Variants in DHX38 observed in about 807,000 individuals in gnomAD.
DHX38 encodes the protein DEAH-box helicase 38, also known as pre-mRNA-splicing factor ATP-dependent RNA helicase PRP16.
Under a neutral mutation model 153.1 loss-of-function variants are expected in DHX38, and 100 were observed. The ratio of observed to expected loss-of-function variants is 0.65; its 90% CI spans 0.56 to 0.77. The LOEUF (loss-of-function observed/expected upper bound fraction) is 0.77, where lower values mean the gene tolerates loss of function less well. Ranked by LOEUF, DHX38 falls within the 30% of genes least tolerant of loss-of-function variation. DHX38 has a pLI of 0.00. For missense variants in DHX38, 1,440 were observed against 1,654.0 expected, an observed-to-expected ratio of 0.87 and a Z score of 2.24; for synonymous variants, 650 against 631.7, an observed-to-expected ratio of 1.03 and a Z score of -0.43.
chr16:72,104,462 C>T lies in DHX38; in HGVS notation c.2011-24C>T. The T allele has an allele frequency of 6.2e-7, 1 of 1,611,564 alleles. No individual in the cohort carries two copies. ...GAGCCAAGGGTCCCCACCATGGGGG[C>T]CTCCGAGCCGCCTCTTCTCTCAGGT... On this transcript the variant is annotated intron_variant, in intron 14 of 26. Coordinates refer to ENST00000268482, the MANE Select transcript of DHX38 (RefSeq NM_014003.4). The surrounding 1 kb of genome is among the most constrained non-coding windows in gnomAD (Gnocchi z 4.5).
rs769044827 is a variant in DHX38, at chr16:72,105,561, C to T, written c.2424C>T (p.Ala808=). 6.8e-5 allele frequency: 109 copies of T among 1,614,002 alleles called. No homozygotes were observed. Among genetic ancestry groups the T allele is most frequent in the Non-Finnish European group, 8.6e-5 (102 of 1,180,048 alleles). The change falls in exon 18 of 27, where the codon GCC becomes GCT. Residue 808 remains alanine (A), a synonymous_variant. Coordinates refer to ENST00000268482, the MANE Select transcript of DHX38 (RefSeq NM_014003.4). ...AGTGCATCGTTGCCACCAATATTGC[C>T]GAGACGTCTCTCACTGTTGACGGCA... ...VRKCIVATNI[A]ETSLTVDGIM...
In DHX38 at chr16:72,093,885, C is replaced by G. The variant is rs937657669; in HGVS notation, c.-186C>G. On this transcript the variant is annotated 5_prime_UTR_variant, in exon 1 of 27. Transcript: ENST00000268482. ...AATCGGGCGTGTTCCAGGCTGCTCT[C>G]TATGGTAGCTTTGGGCGGATAGAGG... 11 of 152,256 alleles carry G rather than the reference C, an allele frequency of 7.2e-5. No individual in the cohort carries two copies. The highest frequency in any genetic ancestry group is 2.7e-4 in the African/African-American group (11 of 41,430). The allele number at this position is 152,256 out of a possible 1,614,324, so 9.4% of individuals were successfully genotyped here.
rs2144181771 is a variant in DHX38, at chr16:72,111,059, GC to G, written c.3586del (p.Leu1196TrpfsTer21). 1 of 1,567,780 alleles carries G rather than the reference GC, an allele frequency of 6.4e-7. No homozygotes were observed. Among genetic ancestry groups the G allele is most frequent in the East Asian group, 2.4e-5 (1 of 42,312 alleles). ...CGGCGGCAGGAGCAGGAGAAGCGCA[GC>G]CCCCTGGGCAGTGTCAGGTGAGCTC... The part of the protein sequence containing the change: ...RARRQEQEKR[S>X]PLGSVRSTKI... On this transcript the variant is annotated frameshift_variant, in exon 26 of 27. Coordinates refer to ENST00000268482, the MANE Select transcript of DHX38 (RefSeq NM_014003.4). LOFTEE classifies it high-confidence loss of function.
At chr16:72,103,245 A>T in intron 12 of DHX38, 34 bp downstream of exon 12, 1 of 1,603,210 alleles carries the variant, frequency 6.2e-7, no homozygotes, top group Non-Finnish European at 8.5e-7. Context: ...ATCTAGTGTC[A>T]AGTCAGGGGT....
At chr16:72,098,833 C>T (rs201358516) in intron 5 of DHX38, 41 bp downstream of exon 5, 31 of 1,612,916 alleles carry the variant, frequency 1.9e-5, no homozygotes, top group African/African-American at 1.3e-4. Context: ...GCTGGGTGGG[C>T]GGTAAGGAGC....
At chr16:72,098,488 TAAA>T (rs1405481456) in intron 4 of DHX38, among the ~76,000 whole-genome samples, 154 bp from the exon 5 acceptor site, 1 of 152,232 alleles carries the variant, frequency 6.6e-6, no homozygotes. Flanking sequence ...GAGATATCTT[TAAA>T]AACTGTCAAA....
At position 72,107,572 on chromosome 16, in the gene DHX38, T is replaced by C. The variant is rs774555155; in HGVS notation, c.2809+24T>C. ...AGGTGAGGCGGCCCCGGGAGCCTCA[T>C]GGGTGCTGGCGCTTGACTTCCTTCT... is the stretch of plus-strand genomic sequence containing the variant. On this transcript the variant is annotated intron_variant, in intron 20 of 26. Transcript: ENST00000268482. The surrounding 1 kb of genome is among the most constrained non-coding windows in gnomAD (Gnocchi z 5.3). 3.1e-6 allele frequency: 5 copies of C among 1,610,244 alleles called. No homozygotes were observed. The highest frequency in any genetic ancestry group is 1.7e-5 in the Admixed American group (1 of 59,916).
Position 72,096,320 on chromosome 16 carries a change from G to T in DHX38, c.163G>T (p.Ala55Ser), listed in dbSNP as rs1036840628. Residue 55 changes from alanine to serine, a missense_variant, in exon 2 of 27, where the codon GCT becomes TCT. By Grantham distance (99) the Ala-to-Ser change is moderately conservative (BLOSUM62 1). This residue lies in a region of DHX38 where 483 missense variants were observed against 465.1 expected (regional missense o/e 1.04). Coordinates refer to ENST00000268482, the MANE Select transcript of DHX38 (RefSeq NM_014003.4). ...TTCATTACTCGGACTGGACTTGCTG[G>T]CTTCCCTGAAACGGAGAGAGCGAGA... ...RPSLLGLDLLASLKRREREEK... is the reference protein window; with the variant it reads ...RPSLLGLDLLSSLKRREREEK... 4 of 1,614,222 alleles carry T rather than the reference G, an allele frequency of 2.5e-6. No individual in the cohort carries two copies. Among genetic ancestry groups the T allele is most frequent in the South Asian group, 1.1e-5 (1 of 91,088 alleles).
At chr16:72,098,035 G>A (rs1328929712) in intron 4 of DHX38, among the ~76,000 whole-genome samples, 1 of 152,210 alleles carries the variant, frequency 6.6e-6, no homozygotes, top group African/African-American at 2.4e-5. Context: ...GGAGCTGGAG[G>A]TAGAAGAAGT....
chr16:72,099,675 T>C, intron 7 of DHX38, 57 bp from the exon 8 acceptor site: 1 of 1,600,122 alleles, frequency 6.2e-7, no homozygotes, highest in Non-Finnish European at 8.5e-7. Flanking sequence ...GTTGGCCATG[T>C]CTCGTGCATA....
chr16:72,108,477 G>T lies in DHX38; in HGVS notation c.3125G>T (p.Arg1042Leu). 1 of 1,614,132 alleles carries T rather than the reference G, an allele frequency of 6.2e-7. No individual in the cohort carries two copies. Among genetic ancestry groups the T allele is most frequent in the Non-Finnish European group, 8.5e-7 (1 of 1,179,992 alleles). The change falls in exon 23 of 27, where the codon CGG (arginine) becomes CTG (leucine). Residue 1042 changes from arginine (R) to leucine (L), a missense_variant. Coordinates refer to ENST00000268482, the MANE Select transcript of DHX38 (RefSeq NM_014003.4). Reference protein sequence around the residue: ...FIHAKAMRKVREVRAQLKDIM... With the variant: ...FIHAKAMRKVLEVRAQLKDIM... ...TGCCTCCGTCTCCTGCCCTAGGTCC[G>T]GGAGGTGCGAGCTCAACTCAAGGAC...
chr16:72,096,147 C>G lies in DHX38; in HGVS notation c.-11C>G. 3 of 1,587,558 alleles carry G rather than the reference C, an allele frequency of 1.9e-6. No homozygotes were observed. Among genetic ancestry groups the G allele is most frequent in the Non-Finnish European group, 2.6e-6 (3 of 1,161,806 alleles). On this transcript the variant is annotated 5_prime_UTR_variant, in exon 2 of 27. Coordinates refer to ENST00000268482, the MANE Select transcript of DHX38 (RefSeq NM_014003.4). ...GTTTGCCTTCCTTCCAGAGAAATCC[C>G]AGATCCTGTGATGGGGGACACCAGT...
Position 72,108,556 on chromosome 16 carries a change from C to T in DHX38, c.3204C>T (p.Ile1068=), listed in dbSNP as rs1281884565. The T allele has an allele frequency of 9.9e-6, 16 of 1,614,026 alleles. No individual in the cohort carries two copies. Among genetic ancestry groups the T allele is most frequent in the Middle Eastern group, 1.6e-4 (1 of 6,084 alleles). ...SLASCGTDWD[I]VRKCICAAYF... ...CCTCGTGTGGCACTGACTGGGACAT[C>T]GTCAGGAAGTGCATCTGTGCTGCCT... is the stretch of plus-strand genomic sequence containing the variant. The change falls in exon 23 of 27, where the codon ATC becomes ATT. Residue 1068 remains isoleucine, a synonymous_variant. Coordinates refer to ENST00000268482, the MANE Select transcript of DHX38 (RefSeq NM_014003.4).
At chr16:72,103,529 C>T (rs762196860) in intron 12 of DHX38, 73 bp from the exon 13 acceptor site, 35 of 1,512,312 alleles carry the variant, frequency 2.3e-5, no homozygotes, top group African/African-American at 1.9e-4. Flanking sequence ...TAGGAGGTAG[C>T]GGAGTCTTCT....
intron 3 of DHX38, 199 bp downstream of exon 3, chr16:72,097,208 T>C: frequency 1.9e-6 from 1 of 529,212 alleles, no homozygotes; most frequent in Non-Finnish European, 3.3e-6. Flanking sequence ...ATAGCTGCTC[T>C]CCTTGAGTGT....
chr16:72,107,032 G>A lies in DHX38; in HGVS notation c.2601-308G>A, dbSNP rs960838479. Among the ~76,000 whole-genome samples, 1 of 152,172 alleles carries A rather than the reference G, an allele frequency of 6.6e-6. No homozygotes were observed. The highest frequency in any genetic ancestry group is 1.5e-5 in the Non-Finnish European group (1 of 68,034). ...AAAAATACAAAAATCAGCTGGGCGT[G>A]GTGGCGGATGCCTGTAGTCCCAGCT... On this transcript the variant is annotated intron_variant, in intron 19 of 26. Coordinates refer to ENST00000268482, the MANE Select transcript of DHX38 (RefSeq NM_014003.4). The surrounding 1 kb of genome is among the most constrained non-coding windows in gnomAD (Gnocchi z 5.3).
intron 1 of DHX38, among the ~76,000 whole-genome samples, chr16:72,095,014 G>C (rs1194553867): frequency 6.6e-6 from 1 of 152,108 alleles, no homozygotes; most frequent in African/African-American, 2.4e-5. Flanking sequence ...TGTAACTCTT[G>C]TTTCTGCATT....
Position 72,098,780 on chromosome 16 carries a change from G to T in DHX38, c.752G>T (p.Arg251Leu), listed in dbSNP as rs201793070. Residue 251 changes from arginine (R) to leucine (L), a missense_variant, in exon 5 of 27, where the codon CGA becomes CTA. This residue lies in a region of DHX38 where 483 missense variants were observed against 465.1 expected (regional missense o/e 1.04). Transcript: ENST00000268482. ...DSERSHRLST[R>L]DRDRSVRGKY... is the part of the protein sequence containing the mutation. The stretch of plus-strand genomic sequence containing the variant: ...GAGCGGAGCCATCGGCTGTCCACTC[G>T]AGATCGAGACAGGTGATGTTCTGGG... The T allele has an allele frequency of 6.2e-7, 1 of 1,614,166 alleles. No homozygotes were observed. Among genetic ancestry groups the T allele is most frequent in the Non-Finnish European group, 8.5e-7 (1 of 1,180,006 alleles).
chr16:72,094,646 G>T (rs1172163523), intron 1 of DHX38, among the ~76,000 whole-genome samples: 1 of 152,112 alleles, frequency 6.6e-6, no homozygotes, highest in Admixed American at 6.5e-5. Context: ...TTATTTGTTC[G>T]TCTCAGCAGC....
Sources: allele counts gnomAD v4.1 joint callset (sites outside exome capture counted in the v4.1 genomes callset), GRCh38; gene constraint gnomAD v4.1.1; regional missense constraint gnomAD v4.1.1; non-coding constraint Gnocchi (gnomAD v3.1); transcripts MANE v1.5; gene names NCBI Gene and HGNC (gene_info 2026-07-23, HGNC 2026-07-21).